The following NLRC5 variants were observed in gnomAD, a reference collection of about 807,000 sequenced individuals.
NLRC5 encodes the protein NLR family CARD domain containing 5, also known as protein NLRC5.
Under a neutral mutation model 206.9 loss-of-function variants are expected in NLRC5, and 114 were observed. The observed-to-expected ratio is 0.55, with a 90% CI of 0.47 to 0.64. The LOEUF (loss-of-function observed/expected upper bound fraction) is 0.64, where lower values mean the gene tolerates loss of function less well. NLRC5 is among the 30% of genes least tolerant of loss of function. The probability of loss-of-function intolerance (pLI) is 0.00; values close to 1 mark genes in which losing one functional copy is unlikely to be tolerated. For synonymous variants in NLRC5, 952 were observed against 962.8 expected, an observed-to-expected ratio of 0.99 and a Z score of 0.21; for missense variants, 2,008 against 2,305.5, an observed-to-expected ratio of 0.87 and a Z score of 2.64.
In NLRC5 at chr16:57,010,905, A is replaced by ATTTT. The variant is rs769417678; in HGVS notation, c.-127-6169_-127-6168insTTTT. ...GTAAATGTTCTTGTGGCTTTTTTTA[A>ATTTT]AAAAAAATCAAAATGTGCACATTAA... On this transcript the variant is annotated intron_variant, in intron 1 of 48. Coordinates refer to ENST00000688547, the MANE Select transcript of NLRC5 (RefSeq NM_001384950.1). 0.017 allele frequency among the ~76,000 whole-genome samples: 2,500 copies of ATTTT among 148,056 alleles called. 191 individuals are homozygous for ATTTT. In the East Asian group the frequency reaches 0.25, roughly 15 times the overall value.
At chr16:57,057,561 T>A (rs1443803082) in intron 27 of NLRC5, among the ~76,000 whole-genome samples, 1 of 152,168 alleles carries the variant, frequency 6.6e-6, no homozygotes, top group East Asian at 1.9e-4. Context: ...TGCAAACATT[T>A]TTTTTTCCTG....
chr16:57,033,831 G>A (rs2062170383), intron 12 of NLRC5, among the ~76,000 whole-genome samples, 162 bp downstream of exon 12: 1 of 152,202 alleles, frequency 6.6e-6, no homozygotes, highest in African/African-American at 2.4e-5. Flanking sequence ...ATCCTGGCTT[G>A]AATAAGGAGC....
chr16:57,065,974 G>A (rs1424706756), intron 33 of NLRC5, among the ~76,000 whole-genome samples: 1 of 152,132 alleles, frequency 6.6e-6, no homozygotes, highest in East Asian at 1.9e-4. Context: ...TCAAGTGAAG[G>A]CAGTGAGCTT....
Position 57,058,122 on chromosome 16 carries a change from G to T in NLRC5, c.3804G>T (p.Pro1268=). The T allele has an allele frequency of 1.2e-6, 2 of 1,610,416 alleles. No homozygotes were observed. Among genetic ancestry groups the T allele is most frequent in the Non-Finnish European group, 1.7e-6 (2 of 1,177,972 alleles). The change falls in exon 28 of 49, where the codon CCG becomes CCT. Residue 1268 remains proline (P), a synonymous_variant. Coordinates refer to ENST00000688547, the MANE Select transcript of NLRC5 (RefSeq NM_001384950.1). The part of the protein sequence containing the change: ...SGLRCLLECL[P]QVPISGLLDL... The stretch of plus-strand genomic sequence containing the variant: ...TCAGATGCCTTCTGGAATGTCTGCC[G>T]CAGGTGCCCATCTCCGGTTTGCTTG...
At chr16:57,001,103 G>A (rs185208187) in intron 1 of NLRC5, among the ~76,000 whole-genome samples, 54 of 152,284 alleles carry the variant, frequency 3.5e-4, no homozygotes, top group Admixed American at 1.8e-3. Context: ...AGGCAGAGGC[G>A]CTGGGTTCTC....
chr16:56,997,477 T>G (rs1222011117), intron 1 of NLRC5, among the ~76,000 whole-genome samples: 3 of 151,654 alleles, frequency 2.0e-5, no homozygotes, highest in African/African-American at 7.3e-5. Context: ...CACAGAGAGG[T>G]TAAGAAAACT....
chr16:57,068,258 C>T (rs544825519), intron 36 of NLRC5, among the ~76,000 whole-genome samples: 18 of 151,968 alleles, frequency 1.2e-4, no homozygotes, highest in African/African-American at 2.7e-4. Context: ...GGTGAAACCC[C>T]GTCTCTACTA....
intron 38 of NLRC5, 77 bp downstream of exon 38, chr16:57,070,695 G>T: frequency 8.0e-7 from 1 of 1,255,200 alleles, no homozygotes; most frequent in Non-Finnish European, 1.1e-6. Context: ...GAGTGGTGGG[G>T]TTGGTTAATG....
chr16:57,046,165 T>A (rs2063941837), intron 21 of NLRC5, among the ~76,000 whole-genome samples: 1 of 152,196 alleles, frequency 6.6e-6, no homozygotes, highest in African/African-American at 2.4e-5. Flanking sequence ...GATCTCTGTT[T>A]CTGGGGAACC....
intron 1 of NLRC5, among the ~76,000 whole-genome samples, chr16:57,005,273 A>G (rs2058762936): frequency 6.6e-6 from 1 of 152,222 alleles, no homozygotes; most frequent in African/African-American, 2.4e-5. Flanking sequence ...TATGCAATAT[A>G]AAAACTACTA....
intron 1 of NLRC5, among the ~76,000 whole-genome samples, chr16:57,003,065 G>GTTTC (rs1251427727): frequency 6.6e-6 from 1 of 151,432 alleles, no homozygotes; most frequent in African/African-American, 2.4e-5. Flanking sequence ...TTGTTTGTTT[G>GTTTC]TTTGTTTGTT....
At chr16:57,067,619 G>A in intron 35 of NLRC5, 117 bp from the exon 36 acceptor site, 1 of 1,326,184 alleles carries the variant, frequency 7.5e-7, no homozygotes, top group Non-Finnish European at 1.1e-6. Flanking sequence ...GCCCCAGGGT[G>A]GCTCAGGGGA....
chr16:57,051,978 G>A (rs1030820711), intron 24 of NLRC5, among the ~76,000 whole-genome samples: 6 of 152,108 alleles, frequency 3.9e-5, no homozygotes, highest in South Asian at 2.1e-4. Context: ...TGGAAGATCT[G>A]TGACAAATGA....
intron 1 of NLRC5, among the ~76,000 whole-genome samples, chr16:56,995,473 T>A (rs534815877): frequency 3.4e-4 from 52 of 152,350 alleles, no homozygotes; most frequent in Non-Finnish European, 6.3e-4. Flanking sequence ...AAGGGATATA[T>A]GAACTTTTAT....
chr16:57,046,436 A>G, intron 21 of NLRC5, 116 bp from the exon 22 acceptor site: 4 of 771,032 alleles, frequency 5.2e-6, no homozygotes, highest in East Asian at 2.6e-5. Flanking sequence ...TGGGAGTCCA[A>G]TGTGGGTGAT....
At chr16:57,058,874 TC>T (rs2066040894) in intron 28 of NLRC5, 97 bp from the exon 29 acceptor site, 1 of 1,029,670 alleles carries the variant, frequency 9.7e-7, no homozygotes, top group African/African-American at 1.6e-5. Flanking sequence ...AGGCTTCTCT[TC>T]TTGGAAATGA....
chr16:57,008,615 A>T (rs2059169116), intron 1 of NLRC5, among the ~76,000 whole-genome samples: 1 of 152,234 alleles, frequency 6.6e-6, no homozygotes, highest in Non-Finnish European at 1.5e-5. Flanking sequence ...AACTAATAAG[A>T]AAGCCTTAAA....
chr16:56,993,193 C>T (rs1210518628), intron 1 of NLRC5, among the ~76,000 whole-genome samples: 1 of 130,570 alleles, frequency 7.7e-6, no homozygotes, highest in Non-Finnish European at 1.7e-5. Context: ...GTGTACTTTT[C>T]CCTTCTCACA....
chr16:57,050,948 G>A (rs2064815163), intron 23 of NLRC5, among the ~76,000 whole-genome samples: 1 of 152,092 alleles, frequency 6.6e-6, no homozygotes, highest in African/African-American at 2.4e-5. Context: ...TGCCTCCCAG[G>A]TTCAAGTGAT....
Sources: allele counts gnomAD v4.1 joint callset (sites outside exome capture counted in the v4.1 genomes callset), GRCh38; gene constraint gnomAD v4.1.1; transcripts MANE v1.5; gene names NCBI Gene and HGNC (gene_info 2026-07-23, HGNC 2026-07-21).